SLIT2: variants seen among roughly 807,000 people sequenced by gnomAD.
SLIT2 encodes the protein slit guidance ligand 2.
SLIT2 carries 41 observed loss-of-function variants against 185.7 expected under a neutral mutation model. The ratio of observed to expected loss-of-function variants is 0.22; its 90% CI spans 0.17 to 0.29. SLIT2 has a LOEUF of 0.29. Among genes scored for constraint, SLIT2 ranks in the 10% least tolerant of loss-of-function variants. The pLI is 1.00. For missense variants in SLIT2, 1,571 were observed against 1,909.0 expected (o/e 0.82, Z 3.30); for synonymous variants, 693 against 680.2 (o/e 1.02, Z -0.29).
intron 29 of SLIT2, among the ~76,000 whole-genome samples, chr4:20,581,760 T>G (rs190075214): frequency 6.6e-6 from 1 of 152,142 alleles, no homozygotes; most frequent in Non-Finnish European, 1.5e-5. Context: ...TCTTTCTTTC[T>G]TTCCAGAATT....
chr4:20,315,945 A>G (rs1351128082), intron 4 of SLIT2, among the ~76,000 whole-genome samples: 1 of 151,992 alleles, frequency 6.6e-6, no homozygotes, highest in Non-Finnish European at 1.5e-5. Context: ...CGGTACCTTT[A>G]TCTATACATG....
At chr4:20,314,044 G>C (rs1232451289) in intron 4 of SLIT2, among the ~76,000 whole-genome samples, 2 of 152,146 alleles carry the variant, frequency 1.3e-5, no homozygotes, top group Non-Finnish European at 2.9e-5. Context: ...CAATCCAGGA[G>C]CAATTAAATT....
chr4:20,569,016 A>G lies in SLIT2; in HGVS notation c.3088+12A>G. The G allele has an allele frequency of 6.2e-7, 1 of 1,610,160 alleles. No individual in the cohort carries two copies. The highest frequency in any genetic ancestry group is 8.5e-7 in the Non-Finnish European group (1 of 1,177,252). On this transcript the variant is annotated intron_variant, in intron 29 of 36. Coordinates refer to ENST00000504154, the MANE Select transcript of SLIT2 (RefSeq NM_004787.4). Reference sequence around the variant, plus strand: ...ACCTGAGTATACAGGTACAAATAATAGGAAATATTTTGCCTTCCATCAGTA... The same window carrying G: ...ACCTGAGTATACAGGTACAAATAATGGGAAATATTTTGCCTTCCATCAGTA...
At chr4:20,428,642 A>G (rs1442849719) in intron 4 of SLIT2, among the ~76,000 whole-genome samples, 5 of 152,182 alleles carry the variant, frequency 3.3e-5, no homozygotes, top group Non-Finnish European at 7.4e-5. Context: ...CCATAATAGA[A>G]AATACAGTAT....
chr4:20,503,551 T>G (rs1718928031), intron 9 of SLIT2, among the ~76,000 whole-genome samples: 2 of 142,440 alleles, frequency 1.4e-5, no homozygotes, highest in African/African-American at 5.2e-5. Flanking sequence ...GTGGGCCATG[T>G]GCCTAAGCCC....
chr4:20,256,356 C>T (rs1711837720), intron 1 of SLIT2, among the ~76,000 whole-genome samples: 1 of 151,516 alleles, frequency 6.6e-6, no homozygotes, highest in Admixed American at 6.6e-5. Flanking sequence ...TAGCAGAATA[C>T]CTGTGAAATT....
At chr4:20,456,649 A>C (rs1713100940) in intron 4 of SLIT2, among the ~76,000 whole-genome samples, 1 of 152,164 alleles carries the variant, frequency 6.6e-6, no homozygotes, top group Admixed American at 6.5e-5. Context: ...TTCATAAATG[A>C]GTAATGCAAT....
chr4:20,520,580 G>GTA (rs1720753857), intron 12 of SLIT2, among the ~76,000 whole-genome samples: 2 of 151,942 alleles, frequency 1.3e-5, no homozygotes, highest in African/African-American at 2.4e-5. Flanking sequence ...CAATCTTCAT[G>GTA]TATATATATA....
intron 4 of SLIT2, among the ~76,000 whole-genome samples, chr4:20,408,412 T>C (rs1726940315): frequency 6.6e-6 from 1 of 152,078 alleles, no homozygotes. Flanking sequence ...AACCCTAGGA[T>C]TTTGCACATT....
At chr4:20,372,049 A>G (rs890239303) in intron 4 of SLIT2, among the ~76,000 whole-genome samples, 1 of 152,132 alleles carries the variant, frequency 6.6e-6, no homozygotes, top group Non-Finnish European at 1.5e-5. Flanking sequence ...CTTCAAGTGG[A>G]TGAGAGGGTT....
chr4:20,411,952 T>G (rs1727288802), intron 4 of SLIT2, among the ~76,000 whole-genome samples: 1 of 152,124 alleles, frequency 6.6e-6, no homozygotes, highest in South Asian at 2.1e-4. Flanking sequence ...CTACTGCAAA[T>G]GGAGAGTTGT....
chr4:20,299,605 A>G (rs1384709563), intron 4 of SLIT2, among the ~76,000 whole-genome samples: 3 of 150,820 alleles, frequency 2.0e-5, no homozygotes, highest in Non-Finnish European at 3.0e-5. Context: ...CAGCATTGGC[A>G]GTGTTACAGG....
At chr4:20,280,775 C>A (rs907612999) in intron 4 of SLIT2, among the ~76,000 whole-genome samples, 2 of 150,946 alleles carry the variant, frequency 1.3e-5, no homozygotes, top group East Asian at 3.9e-4. Flanking sequence ...TATTAGCTTA[C>A]ATTTTGAATG....
At chr4:20,499,918 G>A (rs1718563992) in intron 9 of SLIT2, among the ~76,000 whole-genome samples, 1 of 152,098 alleles carries the variant, frequency 6.6e-6, no homozygotes, top group Admixed American at 6.6e-5. Flanking sequence ...TGATTAGCAT[G>A]TATTTAGTAA....
At chr4:20,510,431 C>G in intron 9 of SLIT2, 64 bp from the exon 10 acceptor site, 1 of 1,017,654 alleles carries the variant, frequency 9.8e-7, no homozygotes. Context: ...GAATCCTGAG[C>G]TTGAATTAAA....
chr4:20,457,021 A>T (rs1420061909), intron 4 of SLIT2, among the ~76,000 whole-genome samples: 1 of 152,110 alleles, frequency 6.6e-6, no homozygotes, highest in Non-Finnish European at 1.5e-5. Flanking sequence ...TAATTTGCCA[A>T]AGTATTAGAT....
At chr4:20,307,601 A>G (rs1329653154) in intron 4 of SLIT2, among the ~76,000 whole-genome samples, 2 of 152,060 alleles carry the variant, frequency 1.3e-5, no homozygotes. Flanking sequence ...TACTTGTTCA[A>G]TCTATATATG....
intron 4 of SLIT2, among the ~76,000 whole-genome samples, chr4:20,381,703 C>A (rs114530661): frequency 0.013 from 2,050 of 152,088 alleles, 43 homozygotes; most frequent in African/African-American, 0.046. Flanking sequence ...AAATGATGAG[C>A]AAACAAACTT....
chr4:20,406,520 T>A (rs1003784290), intron 4 of SLIT2, among the ~76,000 whole-genome samples: 2 of 143,932 alleles, frequency 1.4e-5, no homozygotes, highest in Non-Finnish European at 3.1e-5. Flanking sequence ...AAAATGAGAA[T>A]ATACAAATGG....
Sources: gnomAD v4.1 joint callset for allele counts (sites outside exome capture counted in the v4.1 genomes callset) on GRCh38, gnomAD v4.1.1 for gene constraint, MANE v1.5 for transcripts, NCBI Gene and HGNC (gene_info 2026-07-23, HGNC 2026-07-21) for gene names.